The following SIM2 variants were observed in gnomAD, a reference collection of about 807,000 sequenced individuals.
SIM2 encodes the protein SIM bHLH transcription factor 2, also known as single-minded homolog 2.
A neutral mutation model predicts 64.8 loss-of-function variants in SIM2; 28 were observed. That is an observed-to-expected ratio of 0.43 (90% CI 0.32 to 0.59). SIM2 has a LOEUF of 0.59. SIM2 is among the 20% of genes least tolerant of loss of function. SIM2 has a pLI of 0.07. For missense variants in SIM2, 847 were observed against 871.4 expected (o/e 0.97, Z 0.35); for synonymous variants, 408 against 391.1 (o/e 1.04, Z -0.51).
intron 7 of SIM2, among the ~76,000 whole-genome samples, chr21:36,741,503 T>C (rs1220533115): frequency 2.6e-4 from 40 of 152,244 alleles, no homozygotes. Context: ...TCCTTGAAGC[T>C]GAAGGCAAAA....
At chr21:36,728,867 G>A (rs375825255) in intron 6 of SIM2, among the ~76,000 whole-genome samples, 47 of 152,348 alleles carry the variant, frequency 3.1e-4, no homozygotes, top group African/African-American at 7.2e-4. Flanking sequence ...CCTGTCTGGC[G>A]CCACACCCCG....
At chr21:36,721,598 G>A (rs911848376) in intron 4 of SIM2, among the ~76,000 whole-genome samples, 1 of 151,964 alleles carries the variant, frequency 6.6e-6, no homozygotes, top group East Asian at 1.9e-4. Context: ...CTGCCACCAC[G>A]CCTGGCTAAT....
At chr21:36,730,306 T>C (rs2088949358) in intron 6 of SIM2, among the ~76,000 whole-genome samples, 1 of 152,216 alleles carries the variant, frequency 6.6e-6, no homozygotes, top group Admixed American at 6.5e-5. Flanking sequence ...TAAGAAGGAA[T>C]GAAGTTCAGA....
intron 3 of SIM2, among the ~76,000 whole-genome samples, chr21:36,717,922 T>C (rs2088768149): frequency 6.6e-6 from 1 of 152,190 alleles, no homozygotes; most frequent in Non-Finnish European, 1.5e-5. Flanking sequence ...AGTTTTATTA[T>C]TTTTCTTAAA....
chr21:36,699,556 C>T lies in SIM2; in HGVS notation c.-191C>T. Reference sequence around the variant, plus strand: ...CGGCGGGCGGCGCCGCCGGGTTGCTCGGAGCTCAGGCCCGGCGGCTGCGGG... The same window carrying T: ...CGGCGGGCGGCGCCGCCGGGTTGCTTGGAGCTCAGGCCCGGCGGCTGCGGG... On this transcript the variant is annotated 5_prime_UTR_variant, in exon 1 of 11. Transcript: ENST00000290399. The surrounding 1 kb of genome is among the most constrained non-coding windows in gnomAD (Gnocchi z 5.6). 1 of 449,930 alleles carries T rather than the reference C, an allele frequency of 2.2e-6. No individual in the cohort carries two copies. 27.9% of individuals were successfully genotyped at this position (449,930 alleles called of 1,614,324 possible). A position where few individuals can be genotyped will look rare whatever the true frequency, so the allele number is the denominator to read the frequency against.
chr21:36,741,983 T>G (rs2089167434), intron 8 of SIM2, 119 bp downstream of exon 8: 1 of 1,097,704 alleles, frequency 9.1e-7, no homozygotes, highest in Non-Finnish European at 1.2e-6. Context: ...TTGTCTTCTG[T>G]TTTTTTTCTT....
Position 36,742,899 on chromosome 21 carries a change from G to A in SIM2, c.999-488G>A, listed in dbSNP as rs370989428. 9.9e-5 allele frequency among the ~76,000 whole-genome samples: 15 copies of A among 152,252 alleles called. No homozygotes were observed. In the East Asian group the frequency reaches 2.7e-3, roughly 27 times the overall value. ...CCTCTCCTTGTGTGAACATGACCCT[G>A]CTGAGTTGGTTCTTTAGGGCAGAGA... On this transcript the variant is annotated intron_variant, in intron 8 of 10. Transcript: ENST00000290399.
At chr21:36,705,272 C>T (rs1196713657) in intron 1 of SIM2, among the ~76,000 whole-genome samples, 1 of 152,194 alleles carries the variant, frequency 6.6e-6, no homozygotes, top group Non-Finnish European at 1.5e-5. Context: ...AAGAGGCAGC[C>T]GGTCCTCACC....
At chr21:36,732,419 G>A (rs1226887257) in intron 7 of SIM2, among the ~76,000 whole-genome samples, 2 of 152,232 alleles carry the variant, frequency 1.3e-5, no homozygotes, top group African/African-American at 4.8e-5. Context: ...GTGTCGAGTG[G>A]GAGGGGGACG....
chr21:36,705,835 A>T (rs2088572767), intron 1 of SIM2, among the ~76,000 whole-genome samples: 1 of 152,180 alleles, frequency 6.6e-6, no homozygotes, highest in South Asian at 2.1e-4. Flanking sequence ...AGACTTTGTC[A>T]CCGTTTTTAG....
chr21:36,713,349 A>T (rs1341967342), intron 3 of SIM2, among the ~76,000 whole-genome samples: 1 of 152,172 alleles, frequency 6.6e-6, no homozygotes, highest in Non-Finnish European at 1.5e-5. Flanking sequence ...CAAGGGTTTG[A>T]TGGGGGATTT....
chr21:36,749,767 C>T lies in SIM2; in HGVS notation c.*1675C>T, dbSNP rs1477168862. ...TTTGATTACTAGGAGATACCACCGA[C>T]ATTTTTCAATAAAGTACTGCAAAAT... is the stretch of plus-strand genomic sequence containing the variant. On this transcript the variant is annotated 3_prime_UTR_variant, in exon 11 of 11. Coordinates refer to ENST00000290399, the MANE Select transcript of SIM2 (RefSeq NM_005069.6). 2.0e-5 allele frequency: 3 copies of T among 152,164 alleles called. No homozygotes were observed. Among genetic ancestry groups the T allele is most frequent in the Non-Finnish European group, 4.4e-5 (3 of 68,030 alleles). 9.4% of individuals were successfully genotyped at this position (152,164 alleles called of 1,614,324 possible). A position where few individuals can be genotyped will look rare whatever the true frequency, so the allele number is the denominator to read the frequency against.
intron 3 of SIM2, among the ~76,000 whole-genome samples, chr21:36,719,106 T>C (rs1162696651): frequency 1.3e-5 from 2 of 152,204 alleles, no homozygotes; most frequent in Non-Finnish European, 2.9e-5. Flanking sequence ...CCATATAACG[T>C]GGCTCTCTGG....
At chr21:36,731,218 C>G (rs1022904739) in intron 7 of SIM2, 67 bp downstream of exon 7, 37 of 1,137,920 alleles carry the variant, frequency 3.3e-5, no homozygotes, top group Middle Eastern at 2.3e-4. Flanking sequence ...AGGACAGAGC[C>G]GGGGGACGTG....
chr21:36,716,860 A>AT (rs55850625), intron 3 of SIM2, among the ~76,000 whole-genome samples: 14,939 of 147,958 alleles, frequency 0.1, 821 homozygotes, highest in South Asian at 0.18. Flanking sequence ...GACAACCATA[A>AT]TTTTTTTTTT....
chr21:36,708,966 C>T (rs2088630791), intron 1 of SIM2, among the ~76,000 whole-genome samples: 1 of 152,110 alleles, frequency 6.6e-6, no homozygotes, highest in Non-Finnish European at 1.5e-5. Context: ...GGATTTCTCC[C>T]CCAGCCTTTT....
At chr21:36,737,961 CAA>C (rs61252184) in intron 7 of SIM2, among the ~76,000 whole-genome samples, 16 of 34,134 alleles carry the variant, frequency 4.7e-4, no homozygotes, top group East Asian at 3.9e-3. Context: ...GACCCTGTCT[CAA>C]AAAAAAAAAA....
chr21:36,736,399 C>T (rs1251989773), intron 7 of SIM2, among the ~76,000 whole-genome samples: 5 of 152,134 alleles, frequency 3.3e-5, no homozygotes, highest in African/African-American at 7.2e-5. Context: ...GGTGGTGGTC[C>T]GGGAGGGCCA....
Position 36,699,566 on chromosome 21 carries a change from G to T in SIM2, c.-181G>T, listed in dbSNP as rs1207562346. 7.8e-6 allele frequency: 4 copies of T among 515,588 alleles called. No homozygotes were observed. The highest frequency in any genetic ancestry group is 1.3e-5 in the Non-Finnish European group (4 of 307,310). The allele number at this position is 515,588 out of a possible 1,614,324, so 31.9% of individuals were successfully genotyped here. A position where few individuals can be genotyped will look rare whatever the true frequency, so the allele number is the denominator to read the frequency against. On this transcript the variant is annotated 5_prime_UTR_variant, in exon 1 of 11. Coordinates refer to ENST00000290399, the MANE Select transcript of SIM2 (RefSeq NM_005069.6). This position sits in a 1 kb window ranked among gnomAD's most constrained non-coding sequence, Gnocchi z 5.6. ...CGCCGCCGGGTTGCTCGGAGCTCAG[G>T]CCCGGCGGCTGCGGGGAGGCGTCTC... is the stretch of plus-strand genomic sequence containing the variant.
Sources: allele counts gnomAD v4.1 joint callset (sites outside exome capture counted in the v4.1 genomes callset), GRCh38; gene constraint gnomAD v4.1.1; non-coding constraint Gnocchi (gnomAD v3.1); transcripts MANE v1.5; gene names NCBI Gene and HGNC (gene_info 2026-07-23, HGNC 2026-07-21).